The following PCDHA5 variants were observed in gnomAD, a reference collection of about 807,000 sequenced individuals.
PCDHA5 encodes protocadherin alpha-5.
PCDHA5 carries 43 observed loss-of-function variants against 61.6 expected under a neutral mutation model. The observed-to-expected ratio is 0.70, with a 90% CI of 0.55 to 0.90. The LOEUF is 0.90. Among genes scored for constraint, PCDHA5 ranks in the 40% least tolerant of loss-of-function variants. The pLI, the probability that PCDHA5 is intolerant of heterozygous loss-of-function variation, is 0.00. For missense variants in PCDHA5, 1,298 were observed against 1,222.7 expected (o/e 1.06, Z -0.92); for synonymous variants, 627 against 543.9 (o/e 1.15, Z -2.13).
intron 1 of PCDHA5, chr5:140,841,464 T>C (rs2150316083): frequency 2.1e-5 from 34 of 1,612,868 alleles, no homozygotes; most frequent in Admixed American, 3.3e-5. Flanking sequence ...GTGGGCCGGA[T>C]CGCGCAGGAC....
intron 1 of PCDHA5, chr5:140,853,353 C>T: frequency 1.0e-6 from 1 of 981,690 alleles, no homozygotes; most frequent in Non-Finnish European, 1.2e-6. Context: ...AACATGAACT[C>T]ACAGGGATCC....
At chr5:140,853,695 C>T (rs376697449) in intron 1 of PCDHA5, 1 of 988,266 alleles carries the variant, frequency 1.0e-6, no homozygotes, top group African/African-American at 1.8e-5. Context: ...CTTAGACCTG[C>T]TAACGCATTA....
chr5:140,956,464 A>C (rs1340273443), intron 1 of PCDHA5, among the ~76,000 whole-genome samples: 1 of 152,148 alleles, frequency 6.6e-6, no homozygotes, highest in Admixed American at 6.6e-5. Flanking sequence ...ATTGATTTGC[A>C]TATGTTGAAC....
At chr5:140,936,446 C>G (rs1200299868) in intron 1 of PCDHA5, among the ~76,000 whole-genome samples, 1 of 152,164 alleles carries the variant, frequency 6.6e-6, no homozygotes, top group Non-Finnish European at 1.5e-5. Flanking sequence ...TAAATAACCA[C>G]ATCTGTTTAG....
At chr5:140,875,979 C>T in intron 1 of PCDHA5, 5 of 1,613,984 alleles carry the variant, frequency 3.1e-6, no homozygotes, top group Non-Finnish European at 4.2e-6. Context: ...CTCTTTTGAC[C>T]TATGCGTTAA....
chr5:140,941,809 TAG>T (rs1477400878), intron 1 of PCDHA5, among the ~76,000 whole-genome samples: 5 of 152,254 alleles, frequency 3.3e-5, no homozygotes, highest in Non-Finnish European at 5.9e-5. Context: ...TTGATTTCAG[TAG>T]GATGACTGCT....
At chr5:140,869,447 A>G in intron 1 of PCDHA5, 1 of 1,614,214 alleles carries the variant, frequency 6.2e-7, no homozygotes, top group Non-Finnish European at 8.5e-7. Flanking sequence ...AGGCCGCTGC[A>G]GGTTTTCCAT....
chr5:140,823,959 G>C lies in PCDHA5; in HGVS notation c.2184G>C (p.Glu728Asp). 6.2e-7 allele frequency: 1 copy of C among 1,614,072 alleles called. No homozygotes were observed. Among genetic ancestry groups the C allele is most frequent in the Non-Finnish European group, 8.5e-7 (1 of 1,180,006 alleles). Reference protein sequence around the residue: ...TALRCSAQPTEAVCTRGKPTL... With the variant: ...TALRCSAQPTDAVCTRGKPTL... Reference sequence around the variant, plus strand: ...TGCGGTGCTCGGCGCAGCCCACCGAGGCCGTGTGCACACGGGGCAAGCCCA... The same window carrying C: ...TGCGGTGCTCGGCGCAGCCCACCGACGCCGTGTGCACACGGGGCAAGCCCA... Residue 728 changes from glutamate to aspartate, a missense_variant, in exon 1 of 4, where the codon GAG (glutamate) becomes GAC (aspartate). Transcript: ENST00000529859.
intron 3 of PCDHA5, among the ~76,000 whole-genome samples, chr5:141,002,832 C>T (rs147080489): frequency 1.2e-4 from 18 of 152,242 alleles, no homozygotes; most frequent in Admixed American, 2.6e-4. Context: ...GTAAATGGCC[C>T]AGGACTATGC....
chr5:140,927,635 A>G (rs782672031), intron 1 of PCDHA5: 17 of 1,614,038 alleles, frequency 1.1e-5, no homozygotes, highest in East Asian at 4.5e-5. Context: ...ACTGCACCCA[A>G]TGGGACTGTG....
intron 1 of PCDHA5, chr5:140,869,581 G>A: frequency 1.9e-6 from 3 of 1,614,134 alleles, no homozygotes; most frequent in East Asian, 2.2e-5. Flanking sequence ...AGCTTCTGAT[G>A]CTGACATTGA....
At chr5:140,943,234 G>A (rs1161111493) in intron 1 of PCDHA5, among the ~76,000 whole-genome samples, 3 of 145,508 alleles carry the variant, frequency 2.1e-5, no homozygotes, top group Non-Finnish European at 4.5e-5. Context: ...CTCCAGCCTG[G>A]GTCACAGAGT....
intron 1 of PCDHA5, chr5:140,850,952 A>G (rs890565160): frequency 1.3e-6 from 2 of 1,495,360 alleles, no homozygotes; most frequent in South Asian, 1.3e-5. Context: ...ATTATCGATT[A>G]CTCCCAGGGG....
At chr5:140,949,783 G>A (rs1181020228) in intron 1 of PCDHA5, among the ~76,000 whole-genome samples, 1 of 151,784 alleles carries the variant, frequency 6.6e-6, no homozygotes, top group Non-Finnish European at 1.5e-5. Context: ...GATATGTTTA[G>A]ATTTGTGTCC....
chr5:140,871,710 C>T (rs1306052156), intron 1 of PCDHA5: 4 of 826,486 alleles, frequency 4.8e-6, no homozygotes, highest in East Asian at 2.8e-5. Flanking sequence ...AATAAATGTC[C>T]TATTTCTCTT....
At chr5:140,985,818 C>T (rs1377098916) in intron 3 of PCDHA5, among the ~76,000 whole-genome samples, 1 of 142,038 alleles carries the variant, frequency 7.0e-6, no homozygotes, top group Non-Finnish European at 1.5e-5. Flanking sequence ...CAGCTCACAA[C>T]AAGCTCTGCC....
chr5:140,853,726 C>T lies in PCDHA5; in HGVS notation c.2352+29599C>T, dbSNP rs545120074. 3.5e-4 allele frequency: 346 copies of T among 988,324 alleles called. 23 individuals are homozygous for T. The highest frequency in any genetic ancestry group is 4.1e-4 in the Non-Finnish European group (339 of 820,418). The allele number at this position is 988,324 out of a possible 1,614,324, so 61.2% of individuals were successfully genotyped here. On this transcript the variant is annotated intron_variant, in intron 1 of 3. Transcript: ENST00000529859. ...CATTAGCATTAGCAGCACCTAAGTC[C>T]TCATTGAATGTTCTGGTTCAAGGCT...
Position 140,830,132 on chromosome 5 carries a change from C to T in PCDHA5, c.2352+6005C>T, listed in dbSNP as rs116757950. The T allele has an allele frequency of 1.9e-3, 3,075 of 1,613,350 alleles. 56 individuals carry two copies. In the African/African-American group the frequency reaches 0.036, roughly 19 times the overall value. On this transcript the variant is annotated intron_variant, in intron 1 of 3. Coordinates refer to ENST00000529859, the MANE Select transcript of PCDHA5 (RefSeq NM_018908.3). ...TGGCCAGGCTCCAAAGGCGTCATCACGGGCGTCGGTGGGCGCCGCGGGCCC... is the reference window on the plus strand; with the variant it reads ...TGGCCAGGCTCCAAAGGCGTCATCATGGGCGTCGGTGGGCGCCGCGGGCCC...
intron 1 of PCDHA5, chr5:140,836,653 G>C (rs2150266924): frequency 6.2e-7 from 1 of 1,613,508 alleles, no homozygotes; most frequent in East Asian, 2.2e-5. Context: ...AGGCGGCAGA[G>C]GGTGTGCTCT....
Sources: allele counts gnomAD v4.1 joint callset (sites outside exome capture counted in the v4.1 genomes callset), GRCh38; gene constraint gnomAD v4.1.1; transcripts MANE v1.5; gene names NCBI Gene and HGNC (gene_info 2026-07-23, HGNC 2026-07-21).